The following NAALADL2 variants were observed in gnomAD, a reference collection of about 807,000 sequenced individuals.
NAALADL2 encodes the protein inactive N-acetylated-alpha-linked acidic dipeptidase-like protein 2.
Under a neutral mutation model 87.2 loss-of-function variants are expected in NAALADL2, and 76 were observed. The ratio of observed to expected loss-of-function variants is 0.87; its 90% CI spans 0.72 to 1.05. The LOEUF (loss-of-function observed/expected upper bound fraction) is 1.05, where lower values mean the gene tolerates loss of function less well. Ranked by LOEUF, NAALADL2 falls within the 50% of genes least tolerant of loss-of-function variation. The probability of loss-of-function intolerance (pLI) is 0.00; values close to 1 mark genes in which losing one functional copy is unlikely to be tolerated. For missense variants in NAALADL2, 1,089 were observed against 945.8 expected (o/e 1.15, Z -1.99); for synonymous variants, 354 against 331.0 (o/e 1.07, Z -0.75).
At chr3:175,402,761 C>T (rs190982267) in intron 5 of NAALADL2, among the ~76,000 whole-genome samples, 206 of 152,066 alleles carry the variant, frequency 1.4e-3, no homozygotes, top group African/African-American at 4.7e-3. Context: ...AATACACTCC[C>T]TCTCCTCCTC....
intron 1 of NAALADL2, among the ~76,000 whole-genome samples, chr3:174,970,872 A>C (rs943227680): frequency 6.6e-6 from 1 of 152,314 alleles, no homozygotes; most frequent in Non-Finnish European, 1.5e-5. Flanking sequence ...GAAATTATAC[A>C]TATCAGCACA....
At chr3:174,900,958 A>G (rs1254641920) in intron 1 of NAALADL2, among the ~76,000 whole-genome samples, 1 of 152,172 alleles carries the variant, frequency 6.6e-6, no homozygotes, top group Non-Finnish European at 1.5e-5. Flanking sequence ...ATAATTTTGC[A>G]AAAATCAATC....
chr3:175,415,493 A>G (rs893052741), intron 5 of NAALADL2, among the ~76,000 whole-genome samples: 10 of 152,192 alleles, frequency 6.6e-5, no homozygotes, highest in African/African-American at 2.2e-4. Flanking sequence ...CAGGTTAACC[A>G]TAATTTATGT....
intron 1 of NAALADL2, among the ~76,000 whole-genome samples, chr3:175,023,407 A>G (rs976988478): frequency 1.3e-5 from 2 of 152,080 alleles, no homozygotes; most frequent in Non-Finnish European, 2.9e-5. Flanking sequence ...GAAAAGGGAG[A>G]AAGAAAATGT....
intron 1 of NAALADL2, among the ~76,000 whole-genome samples, chr3:175,068,489 G>A (rs1714965754): frequency 6.6e-6 from 1 of 152,062 alleles, no homozygotes; most frequent in African/African-American, 2.4e-5. Context: ...CACCTCAAAA[G>A]AAAGGCATTT....
chr3:175,704,606 G>A (rs577033443), intron 11 of NAALADL2, among the ~76,000 whole-genome samples: 1 of 152,086 alleles, frequency 6.6e-6, no homozygotes, highest in East Asian at 1.9e-4. Flanking sequence ...CCCCAGGTAT[G>A]TCCTCTCTAC....
chr3:174,859,561 A>G (rs1404275730), intron 1 of NAALADL2, 111 bp downstream of exon 1: 14 of 801,974 alleles, frequency 1.7e-5, no homozygotes, highest in East Asian at 2.7e-5. Context: ...CCCTGCATGC[A>G]TGTTCAGGTG....
At chr3:175,565,173 A>T (rs1716907219) in intron 9 of NAALADL2, among the ~76,000 whole-genome samples, 1 of 152,178 alleles carries the variant, frequency 6.6e-6, no homozygotes, top group African/African-American at 2.4e-5. Context: ...CAACAATCTA[A>T]GTTAGAAACT....
At chr3:175,186,569 A>G (rs1038000917) in intron 2 of NAALADL2, among the ~76,000 whole-genome samples, 1 of 152,148 alleles carries the variant, frequency 6.6e-6, no homozygotes, top group African/African-American at 2.4e-5. Flanking sequence ...AGAGATAAAG[A>G]GATTTACACC....
At chr3:175,150,360 A>G (rs1731368036) in intron 2 of NAALADL2, among the ~76,000 whole-genome samples, 1 of 152,016 alleles carries the variant, frequency 6.6e-6, no homozygotes, top group South Asian at 2.1e-4. Flanking sequence ...TGTACCATTA[A>G]ATTTTTTTTC....
chr3:174,759,890 G>C (rs558455991), intron 3 of NAALADL2, among the ~76,000 whole-genome samples: 1 of 152,068 alleles, frequency 6.6e-6, no homozygotes, highest in African/African-American at 2.4e-5. Flanking sequence ...CAGTAGACAT[G>C]GGGTTTTGCC....
chr3:175,144,178 A>G (rs1331530514), intron 2 of NAALADL2, among the ~76,000 whole-genome samples: 1 of 151,966 alleles, frequency 6.6e-6, no homozygotes, highest in African/African-American at 2.4e-5. Flanking sequence ...ATGTAAATCA[A>G]GAATCAGTCA....
At chr3:175,363,359 G>T (rs1394135823) in intron 5 of NAALADL2, among the ~76,000 whole-genome samples, 1 of 147,180 alleles carries the variant, frequency 6.8e-6, no homozygotes. Context: ...TTCGTATTAT[G>T]GCTTTTCTTC....
intron 3 of NAALADL2, among the ~76,000 whole-genome samples, chr3:175,252,102 G>A (rs934207366): frequency 6.6e-6 from 1 of 152,058 alleles, no homozygotes; most frequent in Non-Finnish European, 1.5e-5. Context: ...TTGTATTTTT[G>A]TACCTGTCAT....
intron 4 of NAALADL2, among the ~76,000 whole-genome samples, chr3:175,303,210 C>T (rs1359324301): frequency 6.6e-6 from 1 of 151,948 alleles, no homozygotes; most frequent in African/African-American, 2.4e-5. Flanking sequence ...AATTTTTGGC[C>T]CCAGAAATCA....
chr3:175,118,502 G>A (rs565937010), intron 2 of NAALADL2, among the ~76,000 whole-genome samples: 1 of 151,820 alleles, frequency 6.6e-6, no homozygotes, highest in African/African-American at 2.4e-5. Flanking sequence ...GTGCTTTAAT[G>A]AGAACAGCAG....
At chr3:175,643,786 G>A (rs531923436) in intron 11 of NAALADL2, among the ~76,000 whole-genome samples, 173 of 152,238 alleles carry the variant, frequency 1.1e-3, no homozygotes, top group Non-Finnish European at 2.4e-3. Flanking sequence ...AAACAGTGAC[G>A]TTATTTATCA....
chr3:174,601,175 C>T (rs1429863065), intron 2 of NAALADL2, among the ~76,000 whole-genome samples: 1 of 152,100 alleles, frequency 6.6e-6, no homozygotes, highest in East Asian at 1.9e-4. Flanking sequence ...ATTTCTGGAT[C>T]ATATGGTAGC....
At chr3:175,277,066 G>T (rs886124757) in intron 4 of NAALADL2, among the ~76,000 whole-genome samples, 4 of 152,152 alleles carry the variant, frequency 2.6e-5, no homozygotes, top group Non-Finnish European at 1.5e-5. Context: ...ACATGTTGAC[G>T]CCAATATATT....
Sources: allele counts gnomAD v4.1 joint callset (sites outside exome capture counted in the v4.1 genomes callset), GRCh38; gene constraint gnomAD v4.1.1; transcripts MANE v1.5; gene names NCBI Gene and HGNC (gene_info 2026-07-23, HGNC 2026-07-21).